The following PFKFB3 variants were observed in gnomAD, a reference collection of about 807,000 sequenced individuals.
The protein encoded by PFKFB3 is 6-phosphofructo-2-kinase/fructose-2,6-bisphosphatase 3.
In PFKFB3, 33 loss-of-function variants were observed where a neutral mutation model predicts 68.0. That is an observed-to-expected ratio of 0.49 (90% CI 0.37 to 0.65). The LOEUF (loss-of-function observed/expected upper bound fraction) is 0.65, where lower values mean the gene tolerates loss of function less well. PFKFB3 is among the 30% of genes least tolerant of loss of function. The pLI is 0.00. For synonymous variants in PFKFB3, 315 were observed against 288.2 expected, an observed-to-expected ratio of 1.09 and a Z score of -0.94; for missense variants, 586 against 712.2, an observed-to-expected ratio of 0.82 and a Z score of 2.02.
the PFKFB3 span, among the ~76,000 whole-genome samples, chr10:6,310,813 A>G: frequency 1.3e-5 from 2 of 152,376 alleles, no homozygotes; most frequent in South Asian, 2.1e-4. Context: ...ATCGATGTTC[A>G]TAAGAGCTTC....
In PFKFB3 at chr10:6,220,771, C is replaced by T. The variant is rs373844823; in HGVS notation, c.737C>T (p.Pro246Leu). 5 of 1,613,888 alleles carry T rather than the reference C, an allele frequency of 3.1e-6. No individual in the cohort carries two copies. The highest frequency in any genetic ancestry group is 4.2e-6 in the Non-Finnish European group (5 of 1,180,014). The change falls in exon 8 of 15, where the codon CCG becomes CTG. Residue 246 changes from proline to leucine, a missense_variant. Transcript: ENST00000379775. This position sits in a 1 kb window ranked among gnomAD's most constrained non-coding sequence, Gnocchi z 4.1. ...TACCTGATGAACATCCACGTGCAGC[C>T]GCGTACCATCTACCTGTGCCGGCAC... The part of the protein sequence containing the change: ...VYYLMNIHVQ[P>L]RTIYLCRHGE...
At chr10:6,183,445 C>T (rs1370872074) in intron 1 of PFKFB3, among the ~76,000 whole-genome samples, 3 of 151,922 alleles carry the variant, frequency 2.0e-5, no homozygotes, top group South Asian at 2.1e-4. Context: ...GCCCCAGCCC[C>T]ACCAGCCTGA....
rs1042868897 is a variant in PFKFB3, at chr10:6,202,976, G to A, written c.-285G>A. 40 of 1,300,178 alleles carry A rather than the reference G, an allele frequency of 3.1e-5. No homozygotes were observed. The highest frequency in any genetic ancestry group is 4.1e-5 in the Admixed American group (1 of 24,558). 80.5% of individuals were successfully genotyped at this position (1,300,178 alleles called of 1,614,324 possible). A position where few individuals can be genotyped will look rare whatever the true frequency, so the allele number is the denominator to read the frequency against. ...CGAGCAGCAGGGCCTGGTGGCGAGA[G>A]CGCGGCTGTCACTGCGCCCGAGCAT... On this transcript the variant is annotated 5_prime_UTR_variant, in exon 1 of 15. Transcript: ENST00000379775.
chr10:6,190,323 AG>A (rs1215123685), intron 1 of PFKFB3, among the ~76,000 whole-genome samples: 2 of 152,242 alleles, frequency 1.3e-5, no homozygotes, highest in Non-Finnish European at 2.9e-5. Context: ...GTGATTACCC[AG>A]GGATGACCTA....
At chr10:6,218,584 A>G (rs1166343914) in intron 6 of PFKFB3, among the ~76,000 whole-genome samples, 1 of 151,888 alleles carries the variant, frequency 6.6e-6, no homozygotes, top group African/African-American at 2.4e-5. Context: ...GTGCGCCACC[A>G]CGCCCAGCTA....
Position 6,203,125 on chromosome 10 carries a change from G to A in PFKFB3, c.-136G>A. The A allele has an allele frequency of 2.0e-6, 3 of 1,486,276 alleles. No homozygotes were observed. Among genetic ancestry groups the A allele is most frequent in the Non-Finnish European group, 2.7e-6 (3 of 1,121,006 alleles). The allele number at this position is 1,486,276 out of a possible 1,614,324, so 92.1% of individuals were successfully genotyped here. Reference sequence around the variant, plus strand: ...ACTTAGCCCAAAGCACGTTTCCCCTGGCAGCGCAGGAAACGCCCGGCCGCG... The same window carrying A: ...ACTTAGCCCAAAGCACGTTTCCCCTAGCAGCGCAGGAAACGCCCGGCCGCG... On this transcript the variant is annotated 5_prime_UTR_variant, in exon 1 of 15. Transcript: ENST00000379775.
At chr10:6,198,160 C>T (rs921431054), upstream of PFKFB3, among the ~76,000 whole-genome samples, 7 of 150,812 alleles carry the variant, frequency 4.6e-5, no homozygotes, top group Admixed American at 1.3e-4. Flanking sequence ...GCAGGAGAAT[C>T]GCTTGAACCT....
chr10:6,218,347 A>AT (rs5782882), intron 6 of PFKFB3, among the ~76,000 whole-genome samples: 139,300 of 150,198 alleles, frequency 0.93, 65,428 homozygotes, highest in East Asian at 1. Flanking sequence ...GTGAACTTAG[A>AT]TTTTTTTTTT....
intron 1 of PFKFB3, among the ~76,000 whole-genome samples, chr10:6,172,776 T>A (rs979284523): frequency 6.6e-6 from 1 of 151,920 alleles, no homozygotes; most frequent in Non-Finnish European, 1.5e-5. Context: ...GAGCTGTGAT[T>A]GTGCCACTGC....
chr10:6,224,661 A>AT (rs888657962), intron 13 of PFKFB3: 9 of 334,242 alleles, frequency 2.7e-5, no homozygotes, highest in South Asian at 6.7e-5. Context: ...TAATTTATTC[A>AT]TTTTTTTAGA....
the PFKFB3 span, among the ~76,000 whole-genome samples, chr10:6,318,556 T>C: frequency 1.3e-5 from 2 of 152,186 alleles, no homozygotes; most frequent in African/African-American, 4.8e-5. Context: ...CCTCTGCCAA[T>C]ATCCATTGCC....
the PFKFB3 span, among the ~76,000 whole-genome samples, chr10:6,280,142 A>G: frequency 6.6e-6 from 1 of 152,268 alleles, no homozygotes; most frequent in Admixed American, 6.5e-5. Context: ...CTCTTCATCA[A>G]TCAAGACCCA....
intron 1 of PFKFB3, among the ~76,000 whole-genome samples, chr10:6,207,605 T>C (rs760839642): frequency 6.6e-6 from 1 of 152,232 alleles, no homozygotes; most frequent in Non-Finnish European, 1.5e-5. Context: ...CTGAGGTTTA[T>C]TGCTGAAGAG....
chr10:6,230,668 C>G (rs1175369191), intron 14 of PFKFB3, among the ~76,000 whole-genome samples: 1 of 151,858 alleles, frequency 6.6e-6, no homozygotes, highest in Non-Finnish European at 1.5e-5. Flanking sequence ...GCAGGAACAC[C>G]CAGACTTGGG....
intron 14 of PFKFB3, among the ~76,000 whole-genome samples, chr10:6,232,233 A>G (rs1458460479): frequency 8.9e-6 from 1 of 111,904 alleles, no homozygotes; most frequent in African/African-American, 3.5e-5. Context: ...CTGATTTTGG[A>G]GCATGTTTTT....
chr10:6,276,758 C>CAGTACA, the PFKFB3 span, among the ~76,000 whole-genome samples: 1 of 152,032 alleles, frequency 6.6e-6, no homozygotes, highest in African/African-American at 2.4e-5. Flanking sequence ...TGACATCTTA[C>CAGTACA]ATAGCTACAG....
the PFKFB3 span, among the ~76,000 whole-genome samples, chr10:6,307,721 A>G: frequency 2.0e-5 from 3 of 152,190 alleles, no homozygotes; most frequent in African/African-American, 7.2e-5. Context: ...GAGGTGATGA[A>G]AATCCTTGCA....
At chr10:6,153,801 C>G (rs980216662) in intron 1 of PFKFB3, among the ~76,000 whole-genome samples, 4 of 151,878 alleles carry the variant, frequency 2.6e-5, no homozygotes, top group Admixed American at 1.3e-4. Context: ...TTGCAGTGAG[C>G]TGAGATCGCG....
intron 1 of PFKFB3, among the ~76,000 whole-genome samples, chr10:6,195,557 G>C (rs1042974762): frequency 2.6e-5 from 4 of 152,218 alleles, no homozygotes; most frequent in African/African-American, 4.8e-5. Flanking sequence ...CCAGGACTCA[G>C]ACTTTCCTCT....
Sources: allele counts gnomAD v4.1 joint callset (sites outside exome capture counted in the v4.1 genomes callset), GRCh38; gene constraint gnomAD v4.1.1; non-coding constraint Gnocchi (gnomAD v3.1); transcripts MANE v1.5; gene names NCBI Gene and HGNC (gene_info 2026-07-23, HGNC 2026-07-21).